FBXW7: variants seen among roughly 807,000 people sequenced by gnomAD.
The protein encoded by FBXW7 is F-box/WD repeat-containing protein 7.
FBXW7 carries 11 observed loss-of-function variants against 86.3 expected under a neutral mutation model. The observed-to-expected ratio is 0.13, with a 90% CI of 0.08 to 0.21. FBXW7 has a LOEUF of 0.21. Among genes scored for constraint, FBXW7 ranks in the 10% least tolerant of loss-of-function variants. The pLI, the probability that FBXW7 is intolerant of heterozygous loss-of-function variation, is 1.00. For synonymous variants in FBXW7, 313 were observed against 297.9 expected (o/e 1.05, Z -0.52); for missense variants, 488 against 847.4 (o/e 0.58, Z 5.27).
chr4:152,328,183 C>A (rs201534945), intron 11 of FBXW7, 25 bp downstream of exon 11: 19 of 1,572,268 alleles, frequency 1.2e-5, no homozygotes, highest in Admixed American at 1.9e-5. Context: ...GAAGAAGTCC[C>A]AACCATGACA....
intron 4 of FBXW7, among the ~76,000 whole-genome samples, chr4:152,407,001 C>G (rs1737478237): frequency 6.6e-6 from 1 of 152,124 alleles, no homozygotes; most frequent in Non-Finnish European, 1.5e-5. Flanking sequence ...CTGAGTGTCC[C>G]AGGCACTATG....
chr4:152,363,842 A>T (rs1733208609), intron 4 of FBXW7, among the ~76,000 whole-genome samples: 1 of 152,134 alleles, frequency 6.6e-6, no homozygotes, highest in South Asian at 2.1e-4. Context: ...AAGCGACCCC[A>T]AGGTCACTTA....
In FBXW7 at chr4:152,322,949, C is replaced by T. The variant is rs1307998016; in HGVS notation, c.2056G>A (p.Val686Ile). ...RASNTKLVCA[V>I]GSRNGTEETK... ...TCTTCAGTCCCATTCCGACTCCCAA[C>T]TGCACACACCAGCTTTGTGTTTGAG... Residue 686 changes from valine (V) to isoleucine (I), a missense_variant, in exon 14 of 14, where the codon GTT becomes ATT. By Grantham distance (29) the Val-to-Ile change is conservative (BLOSUM62 3). Around this residue, in one of 4 missense-constraint regions of FBXW7, gnomAD observed 142 missense variants for 406.6 expected, o/e 0.35. Coordinates refer to ENST00000281708, the MANE Select transcript of FBXW7 (RefSeq NM_001349798.2). 1 of 1,613,686 alleles carries T rather than the reference C, an allele frequency of 6.2e-7. No homozygotes were observed. Among genetic ancestry groups the T allele is most frequent in the African/African-American group, 1.3e-5 (1 of 74,886 alleles).
At chr4:152,340,676 C>T (rs1560778249) in intron 6 of FBXW7, among the ~76,000 whole-genome samples, 1 of 151,320 alleles carries the variant, frequency 6.6e-6, no homozygotes, top group Middle Eastern at 3.2e-3. Flanking sequence ...ACTGTCCTAT[C>T]GTTTAAAATC....
At chr4:152,490,890 AAAC>A (rs1745783814) in intron 2 of FBXW7, among the ~76,000 whole-genome samples, 1 of 152,164 alleles carries the variant, frequency 6.6e-6, no homozygotes, top group Non-Finnish European at 1.5e-5. Context: ...AAAAATAACA[AAAC>A]AACAAGCTCT....
At chr4:152,342,633 C>G (rs549873780) in intron 6 of FBXW7, among the ~76,000 whole-genome samples, 4 of 152,304 alleles carry the variant, frequency 2.6e-5, no homozygotes, top group African/African-American at 9.6e-5. Flanking sequence ...ACTCACTTCT[C>G]TAGCACCTCT....
chr4:152,341,736 T>C (rs1730759969), intron 6 of FBXW7, among the ~76,000 whole-genome samples: 1 of 152,214 alleles, frequency 6.6e-6, no homozygotes, highest in Non-Finnish European at 1.5e-5. Context: ...AAATTTTGTA[T>C]ATATACAATT....
intron 2 of FBXW7, among the ~76,000 whole-genome samples, chr4:152,471,044 C>T (rs1448970886): frequency 6.6e-6 from 1 of 151,894 alleles, no homozygotes; most frequent in East Asian, 1.9e-4. Context: ...GAAAATGTTG[C>T]CATACTAGAA....
rs957810334 is a variant in FBXW7, at chr4:152,473,553, T to G, written c.-119-61024A>C. On this transcript the variant is annotated intron_variant, in intron 2 of 13. Coordinates refer to ENST00000281708, the MANE Select transcript of FBXW7 (RefSeq NM_001349798.2). ...AGGCTGAAGTGCAGTGGCATTACCA[T>G]AGCTCACCACAGCCTCAAACTCCTG... Among the ~76,000 whole-genome samples, 8 of 152,262 alleles carry G rather than the reference T, an allele frequency of 5.3e-5. No homozygotes were observed. The Middle Eastern group carries it at 0.01, about 194-fold the overall frequency.
chr4:152,411,468 ATCC>A lies in FBXW7; in HGVS notation c.333_335del (p.Glu111del), dbSNP rs1737961077. 9 of 1,613,060 alleles carry A rather than the reference ATCC, an allele frequency of 5.6e-6. No homozygotes were observed. The highest frequency in any genetic ancestry group is 7.6e-6 in the Non-Finnish European group (9 of 1,179,582). On this transcript the variant is annotated inframe_deletion, in exon 4 of 14. Coordinates refer to ENST00000281708, the MANE Select transcript of FBXW7 (RefSeq NM_001349798.2). ...CCTGGTCCATCTCCTCCTCCTCCTC[ATCC>A]TCCTCATCTTGTTCACCAGCATGTT...
chr4:152,498,195 T>C (rs1459356721), intron 2 of FBXW7, among the ~76,000 whole-genome samples: 5 of 152,082 alleles, frequency 3.3e-5, no homozygotes, highest in Non-Finnish European at 7.3e-5. Flanking sequence ...TTACACAAAT[T>C]TTAAGAGACT....
chr4:152,458,680 G>C (rs1001555619), intron 2 of FBXW7, among the ~76,000 whole-genome samples: 2 of 152,168 alleles, frequency 1.3e-5, no homozygotes, highest in African/African-American at 4.8e-5. Context: ...CTACCTTTCA[G>C]AGAATCAAAC....
intron 4 of FBXW7, among the ~76,000 whole-genome samples, chr4:152,407,977 C>T (rs1737574239): frequency 1.3e-5 from 2 of 152,086 alleles, no homozygotes; most frequent in South Asian, 2.1e-4. Flanking sequence ...AGGTGTGAGC[C>T]ACCACACCTG....
chr4:152,436,715 A>G (rs748942136), intron 2 of FBXW7, among the ~76,000 whole-genome samples: 10 of 152,342 alleles, frequency 6.6e-5, no homozygotes, highest in Admixed American at 3.9e-4. Flanking sequence ...CTCATTTACC[A>G]TTCCAAAAAC....
chr4:152,416,193 A>G (rs1375591752), intron 2 of FBXW7, among the ~76,000 whole-genome samples: 1 of 152,206 alleles, frequency 6.6e-6, no homozygotes, highest in Non-Finnish European at 1.5e-5. Flanking sequence ...TGAGTAAATA[A>G]TTATCAGATC....
intron 2 of FBXW7, among the ~76,000 whole-genome samples, chr4:152,485,610 G>A (rs534223836): frequency 6.6e-6 from 1 of 152,236 alleles, no homozygotes; most frequent in African/African-American, 2.4e-5. Context: ...TCTGTCTAAT[G>A]AAAAGAACCA....
intron 2 of FBXW7, among the ~76,000 whole-genome samples, chr4:152,429,341 G>A (rs1051139332): frequency 5.1e-5 from 6 of 117,630 alleles, no homozygotes; most frequent in Non-Finnish European, 8.5e-5. Context: ...AATCTCATTT[G>A]ATTTCTTTTA....
Position 152,378,585 on chromosome 4 carries a change from A to T in FBXW7, c.502-28461T>A, listed in dbSNP as rs181847986. Among the ~76,000 whole-genome samples, 1,251 of 152,344 alleles carry T rather than the reference A, an allele frequency of 8.2e-3. 6 individuals are homozygous for T. The highest frequency in any genetic ancestry group is 0.031 in the Middle Eastern group (9 of 294). Reference sequence around the variant, plus strand: ...AATTGCATGTCATTTGGAAATTTCTACTAAAATAGTAACACTGAAGAATAA... The same window carrying T: ...AATTGCATGTCATTTGGAAATTTCTTCTAAAATAGTAACACTGAAGAATAA... On this transcript the variant is annotated intron_variant, in intron 4 of 13. Coordinates refer to ENST00000281708, the MANE Select transcript of FBXW7 (RefSeq NM_001349798.2).
intron 2 of FBXW7, among the ~76,000 whole-genome samples, chr4:152,509,932 C>T (rs982614727): frequency 1.3e-5 from 2 of 152,182 alleles, no homozygotes; most frequent in African/African-American, 4.8e-5. Context: ...GGTTAAAGAG[C>T]TTGTTTTAAG....
Sources: allele counts gnomAD v4.1 joint callset (sites outside exome capture counted in the v4.1 genomes callset), GRCh38; gene constraint gnomAD v4.1.1; regional missense constraint gnomAD v4.1.1; transcripts MANE v1.5; gene names NCBI Gene and HGNC (gene_info 2026-07-23, HGNC 2026-07-21).